The following THSD7B variants were observed in gnomAD, a reference collection of about 807,000 sequenced individuals.
THSD7B encodes thrombospondin type-1 domain-containing protein 7B.
THSD7B carries 138 observed loss-of-function variants against 213.6 expected under a neutral mutation model. The ratio of observed to expected loss-of-function variants is 0.65; its 90% CI spans 0.56 to 0.74. The LOEUF is 0.74. THSD7B is among the 30% of genes least tolerant of loss of function. THSD7B has a pLI of 0.00. For missense variants in THSD7B, 1,931 were observed against 1,991.5 expected (o/e 0.97, Z 0.58); for synonymous variants, 742 against 687.0 (o/e 1.08, Z -1.25).
At chr2:137,408,700 G>C (rs1363477793) in intron 13 of THSD7B, among the ~76,000 whole-genome samples, 1 of 152,152 alleles carries the variant, frequency 6.6e-6, no homozygotes, top group Non-Finnish European at 1.5e-5. Context: ...TTTCTTTCTG[G>C]AGGCTTCAGG....
intron 12 of THSD7B, among the ~76,000 whole-genome samples, chr2:137,385,198 A>G (rs74399999): frequency 6.6e-6 from 1 of 152,328 alleles, no homozygotes; most frequent in East Asian, 1.9e-4. Context: ...TTTAAACAAG[A>G]AAGAAACTAA....
chr2:137,655,496 C>A lies in THSD7B; in HGVS notation c.3946-5C>A. 6.2e-7 allele frequency: 1 copy of A among 1,607,836 alleles called. No individual in the cohort carries two copies. Among genetic ancestry groups the A allele is most frequent in the Non-Finnish European group, 8.5e-7 (1 of 1,176,838 alleles). ...TAATTGTGAAAGTATCCTTTCCTCT[C>A]ATAGGGTGGAGACTGTGGGGAAGGA... On this transcript the variant is annotated splice_polypyrimidine_tract_variant and splice_region_variant and intron_variant, in intron 21 of 27. Coordinates refer to ENST00000409968, the MANE Select transcript of THSD7B (RefSeq NM_001316349.2).
intron 2 of THSD7B, among the ~76,000 whole-genome samples, chr2:137,025,605 C>T (rs1171379565): frequency 6.6e-6 from 1 of 152,080 alleles, no homozygotes; most frequent in Admixed American, 6.6e-5. Flanking sequence ...GATTCAGGGT[C>T]CCAGATGCTG....
intron 15 of THSD7B, among the ~76,000 whole-genome samples, chr2:137,548,709 C>G (rs1680786604): frequency 6.6e-6 from 1 of 151,972 alleles, no homozygotes; most frequent in African/African-American, 2.4e-5. Context: ...GATTGATTAA[C>G]AAATCTCCCT....
chr2:136,784,834 G>A lies in THSD7B; in HGVS notation c.-36+19147G>A, dbSNP rs181306008. 1.3e-5 allele frequency among the ~76,000 whole-genome samples: 2 copies of A among 152,198 alleles called. 1 individual carries two copies. The highest frequency in any genetic ancestry group is 3.9e-4 in the East Asian group (2 of 5,172). On this transcript the variant is annotated intron_variant, in intron 1 of 27. Coordinates refer to ENST00000409968, the MANE Select transcript of THSD7B (RefSeq NM_001316349.2). Reference sequence around the variant, plus strand: ...TAAACAGGTATAAATTATTATACTAGCTACTACCAATATTTTTAAGCCACA... The same window carrying A: ...TAAACAGGTATAAATTATTATACTAACTACTACCAATATTTTTAAGCCACA...
At chr2:137,156,813 G>T (rs1679919895) in intron 5 of THSD7B, among the ~76,000 whole-genome samples, 1 of 152,150 alleles carries the variant, frequency 6.6e-6, no homozygotes, top group African/African-American at 2.4e-5. Flanking sequence ...GTGCCTGAGA[G>T]TTGCTCCGGT....
rs142473762 is a variant in THSD7B at position 137,370,594 on chromosome 2, G to A, written c.2501-35019G>A. On this transcript the variant is annotated intron_variant, in intron 12 of 27. Coordinates refer to ENST00000409968, the MANE Select transcript of THSD7B (RefSeq NM_001316349.2). ...GGTGATCCTCATGTCTCAGCCTCCC[G>A]AGTAACTGGGATTACAGGCATACAC... Among the ~76,000 whole-genome samples, 104 of 152,080 alleles carry A rather than the reference G, an allele frequency of 6.8e-4. 1 individual carries two copies. Among genetic ancestry groups the A allele is most frequent in the African/African-American group, 2.0e-3 (81 of 41,502 alleles).
At position 136,990,889 on chromosome 2, in the gene THSD7B, A is replaced by G. The variant is rs752198210; in HGVS notation, c.140-65531A>G. Reference sequence around the variant, plus strand: ...AAGAAGTAAAATATTCAGAGGCGAAACGATGCATAACACAGCAGATGAGGT... The same window carrying G: ...AAGAAGTAAAATATTCAGAGGCGAAGCGATGCATAACACAGCAGATGAGGT... On this transcript the variant is annotated intron_variant, in intron 2 of 27. Coordinates refer to ENST00000409968, the MANE Select transcript of THSD7B (RefSeq NM_001316349.2). 4.5e-5 allele frequency: 61 copies of G among 1,346,536 alleles called. No homozygotes were observed. In the Middle Eastern group the frequency reaches 8.4e-4, roughly 19 times the overall value. The allele number at this position is 1,346,536 out of a possible 1,614,324, so 83.4% of individuals were successfully genotyped here. A position where few individuals can be genotyped will look rare whatever the true frequency, so the allele number is the denominator to read the frequency against.
chr2:137,421,348 C>T (rs1014511829), intron 14 of THSD7B, among the ~76,000 whole-genome samples: 16 of 152,192 alleles, frequency 1.1e-4, no homozygotes, highest in African/African-American at 3.9e-4. Flanking sequence ...CCTCCAGGCA[C>T]CAGTTGCAAC....
chr2:137,401,867 A>C (rs1420894246), intron 12 of THSD7B, among the ~76,000 whole-genome samples: 1 of 152,202 alleles, frequency 6.6e-6, no homozygotes, highest in Admixed American at 6.5e-5. Flanking sequence ...CTGTTAATTC[A>C]GTGAATGTGT....
At chr2:137,393,467 A>G (rs1243810296) in intron 12 of THSD7B, among the ~76,000 whole-genome samples, 1 of 149,466 alleles carries the variant, frequency 6.7e-6, no homozygotes, top group Non-Finnish European at 1.5e-5. Flanking sequence ...AATTTCATCC[A>G]TGTCCCTACA....
intron 5 of THSD7B, among the ~76,000 whole-genome samples, chr2:137,158,266 A>T (rs966269299): frequency 6.6e-6 from 1 of 152,188 alleles, no homozygotes; most frequent in Non-Finnish European, 1.5e-5. Context: ...CTTTACACAC[A>T]GTTCATCAGT....
At chr2:136,956,445 T>C (rs580746) in intron 2 of THSD7B, among the ~76,000 whole-genome samples, 61,537 of 151,806 alleles carry the variant, frequency 0.41, 14,733 homozygotes, top group Non-Finnish European at 0.55. Flanking sequence ...CTCTTTTGTA[T>C]AGCAAAGTGT....
At chr2:136,862,725 A>G (rs1382829623) in intron 1 of THSD7B, among the ~76,000 whole-genome samples, 1 of 152,192 alleles carries the variant, frequency 6.6e-6, no homozygotes, top group African/African-American at 2.4e-5. Flanking sequence ...TCAAGTAGAA[A>G]AAAGCATTTT....
At chr2:137,176,771 G>C (rs1234918234) in intron 7 of THSD7B, among the ~76,000 whole-genome samples, 1 of 152,192 alleles carries the variant, frequency 6.6e-6, no homozygotes, top group Non-Finnish European at 1.5e-5. Flanking sequence ...TACACACCCA[G>C]CTTCTTTCTT....
At chr2:137,208,279 A>G (rs1681028104) in intron 7 of THSD7B, among the ~76,000 whole-genome samples, 1 of 152,070 alleles carries the variant, frequency 6.6e-6, no homozygotes, top group South Asian at 2.1e-4. Flanking sequence ...AAATGGGTCC[A>G]GGTGCTGGGG....
At chr2:137,083,308 C>G (rs1342026447) in intron 3 of THSD7B, among the ~76,000 whole-genome samples, 2 of 152,138 alleles carry the variant, frequency 1.3e-5, no homozygotes, top group African/African-American at 4.8e-5. Context: ...AACTCAAATA[C>G]TCTTCCAGCT....
chr2:137,477,533 ATAT>A (rs1688218459), intron 15 of THSD7B, among the ~76,000 whole-genome samples: 1 of 151,388 alleles, frequency 6.6e-6, no homozygotes, highest in African/African-American at 2.4e-5. Flanking sequence ...ATTATTATTT[ATAT>A]TATTTATGTA....
At chr2:137,073,164 G>A (rs990688959) in intron 3 of THSD7B, among the ~76,000 whole-genome samples, 3 of 152,064 alleles carry the variant, frequency 2.0e-5, no homozygotes, top group Admixed American at 1.3e-4. Context: ...GATTGGAATA[G>A]TTTCAGAAGG....
Sources: gnomAD v4.1 joint callset for allele counts (sites outside exome capture counted in the v4.1 genomes callset) on GRCh38, gnomAD v4.1.1 for gene constraint, MANE v1.5 for transcripts, NCBI Gene and HGNC (gene_info 2026-07-23, HGNC 2026-07-21) for gene names.